Variants in ZSCAN5A observed in about 807,000 individuals in gnomAD.
ZSCAN5A encodes the protein zinc finger and SCAN domain containing 5A, also known as zinc finger and SCAN domain-containing protein 5A.
ZSCAN5A carries 12 observed loss-of-function variants against 23.7 expected under a neutral mutation model. The observed-to-expected ratio is 0.51, with a 90% CI of 0.32 to 0.82. The LOEUF (loss-of-function observed/expected upper bound fraction) is 0.82, where lower values mean the gene tolerates loss of function less well. Ranked by LOEUF, ZSCAN5A falls within the 40% of genes least tolerant of loss-of-function variation. ZSCAN5A has a pLI of 0.03. For synonymous variants in ZSCAN5A, 257 were observed against 239.9 expected (o/e 1.07, Z -0.66); for missense variants, 597 against 617.9 (o/e 0.97, Z 0.36).
Position 56,233,490 on chromosome 19 carries a change from A to G in ZSCAN5A, c.-127-8317T>C, listed in dbSNP as rs73934781. 9.8e-3 allele frequency among the ~76,000 whole-genome samples: 1,490 copies of G among 152,258 alleles called. 25 individuals are homozygous for G. The highest frequency in any genetic ancestry group is 0.034 in the African/African-American group (1,425 of 41,548). On this transcript the variant is annotated intron_variant, in intron 2 of 5. Transcript: ENST00000683990. Reference sequence around the variant, plus strand: ...AAATGGTTCCATTGTTTGATGAGCCATCCTGGCGGTGGGTGGATCATTCAC... The same window carrying G: ...AAATGGTTCCATTGTTTGATGAGCCGTCCTGGCGGTGGGTGGATCATTCAC...
At chr19:56,329,288 G>T (rs1003919891) in intron 2 of ZSCAN5A, among the ~76,000 whole-genome samples, 9 of 152,020 alleles carry the variant, frequency 5.9e-5, no homozygotes, top group African/African-American at 2.2e-4. Context: ...GGCAGAAGTT[G>T]CAGTGAGCCG....
chr19:56,320,615 A>AAAT lies in ZSCAN5A; in HGVS notation c.-357-4350_-357-4348dup, dbSNP rs767420878. 9.9e-4 allele frequency: 623 copies of AAAT among 630,846 alleles called. 1 individual carries two copies. Among genetic ancestry groups the AAAT allele is most frequent in the East Asian group, 7.7e-3 (247 of 32,196 alleles). 39.1% of individuals were successfully genotyped at this position (630,846 alleles called of 1,614,324 possible). On this transcript the variant is annotated intron_variant, in intron 2 of 6. Transcript: ENST00000587340. ...TGACAAGAGCGAAATTCTGTCTCAA[A>AAAT]AATAATAATAATAATAATAATAAGC...
At chr19:56,256,901 T>TG (rs1360259810) in intron 2 of ZSCAN5A, among the ~76,000 whole-genome samples, 5 of 150,382 alleles carry the variant, frequency 3.3e-5, no homozygotes, top group African/African-American at 1.2e-4. Flanking sequence ...CAGATAGTGG[T>TG]GAAAAAAAAA....
intron 2 of ZSCAN5A, among the ~76,000 whole-genome samples, chr19:56,358,157 A>G (rs535035863): frequency 1.3e-5 from 2 of 148,976 alleles, no homozygotes; most frequent in African/African-American, 5.0e-5. Flanking sequence ...ATCTCTCTCT[A>G]TCTCACAGGC....
intron 2 of ZSCAN5A, among the ~76,000 whole-genome samples, chr19:56,242,915 A>AT (rs2146635889): frequency 6.6e-6 from 1 of 152,144 alleles, no homozygotes; most frequent in South Asian, 2.1e-4. Context: ...AGTAGCTAGG[A>AT]TTACAGGCAC....
intron 2 of ZSCAN5A, chr19:56,266,338 A>G (rs7249172): frequency 0.13 from 19,524 of 152,154 alleles, 1,626 homozygotes; most frequent in Middle Eastern, 0.2. Context: ...CTGCCTTTGC[A>G]GATCCAACCT....
In ZSCAN5A at chr19:56,222,015, T is replaced by C. The variant is rs1306271519; in HGVS notation, c.1051A>G (p.Lys351Glu). 24 of 1,614,106 alleles carry C rather than the reference T, an allele frequency of 1.5e-5. No individual in the cohort carries two copies. Among genetic ancestry groups the C allele is most frequent in the South Asian group, 6.6e-5 (6 of 91,094 alleles). ...PVSHPDGQEA[K>E]ALPPFACDVC... ...TCACATGCAAAGGGCGGCAGTGCCT[T>C]GGCTTCTTGGCCATCCGGGTGACTG... Residue 351 changes from lysine to glutamate, a missense_variant, in exon 6 of 6, where the codon AAG becomes GAG. Physicochemically the swap from Lys to Glu is moderately conservative, Grantham distance 56. Coordinates refer to ENST00000683990, the MANE Select transcript of ZSCAN5A (RefSeq NM_001322064.3).
chr19:56,248,574 A>C (rs2146712332), intron 2 of ZSCAN5A, among the ~76,000 whole-genome samples: 1 of 152,160 alleles, frequency 6.6e-6, no homozygotes, highest in Middle Eastern at 3.4e-3. Flanking sequence ...ATTAGGCTTT[A>C]TTAGTATTAT....
chr19:56,294,667 T>C (rs1418717357), intron 2 of ZSCAN5A, among the ~76,000 whole-genome samples: 1 of 152,092 alleles, frequency 6.6e-6, no homozygotes, highest in Non-Finnish European at 1.5e-5. Flanking sequence ...ACAAAAGCAG[T>C]AGACAACACA....
intron 2 of ZSCAN5A, chr19:56,302,930 G>A (rs978858491): frequency 1.8e-5 from 7 of 398,428 alleles, no homozygotes; most frequent in Non-Finnish European, 2.7e-5. Context: ...CTGTAAGGGA[G>A]GCAGACATCC....
intron 2 of ZSCAN5A, among the ~76,000 whole-genome samples, chr19:56,298,857 A>T (rs935711015): frequency 2.6e-5 from 4 of 152,224 alleles, no homozygotes; most frequent in African/African-American, 9.6e-5. Flanking sequence ...GGACAGAATA[A>T]CCTTGATAAA....
chr19:56,352,704 G>T lies in ZSCAN5A; in HGVS notation c.-358+10531C>A, dbSNP rs1265758483. 6.6e-6 allele frequency among the ~76,000 whole-genome samples: 1 copy of T among 152,178 alleles called. No individual in the cohort carries two copies. Among genetic ancestry groups the T allele is most frequent in the Admixed American group, 6.5e-5 (1 of 15,280 alleles). On this transcript the variant is annotated intron_variant, in intron 2 of 6. Coordinates refer to the ZSCAN5A transcript ENST00000587340. The surrounding 1 kb of genome is among the most constrained non-coding windows in gnomAD (Gnocchi z 4.2). The stretch of plus-strand genomic sequence containing the variant: ...GGAGCAGAATCCTTGCTAAAGGCAG[G>T]CCAAAGATTTAGACATTAAGAGTGG...
chr19:56,236,900 A>G (rs1475711512), intron 2 of ZSCAN5A, among the ~76,000 whole-genome samples: 1 of 147,910 alleles, frequency 6.8e-6, no homozygotes, highest in Non-Finnish European at 1.5e-5. Context: ...CCAAGTCTCC[A>G]CTCCAGCCTC....
At chr19:56,274,984 T>A (rs2038141522) in intron 2 of ZSCAN5A, 1 of 152,234 alleles carries the variant, frequency 6.6e-6, no homozygotes, top group Non-Finnish European at 1.5e-5. Flanking sequence ...AGCTTTCTCA[T>A]GATTGGATTG....
At chr19:56,265,786 G>A (rs772409737) in intron 2 of ZSCAN5A, among the ~76,000 whole-genome samples, 5 of 152,062 alleles carry the variant, frequency 3.3e-5, no homozygotes, top group Admixed American at 6.6e-5. Flanking sequence ...TACTCAATTC[G>A]AGATTTAAAG....
chr19:56,323,745 A>G (rs1377376615), intron 2 of ZSCAN5A, among the ~76,000 whole-genome samples: 1 of 151,866 alleles, frequency 6.6e-6, no homozygotes, highest in Non-Finnish European at 1.5e-5. Context: ...CATGTTGGTC[A>G]GGCTGGTCTC....
intron 2 of ZSCAN5A, among the ~76,000 whole-genome samples, chr19:56,324,220 G>T (rs1600282564): frequency 6.6e-6 from 1 of 152,232 alleles, no homozygotes; most frequent in East Asian, 1.9e-4. Context: ...TGAGAAGATG[G>T]AATATTTGTC....
At chr19:56,234,581 A>G (rs565008900) in intron 2 of ZSCAN5A, among the ~76,000 whole-genome samples, 1 of 152,166 alleles carries the variant, frequency 6.6e-6, no homozygotes, top group South Asian at 2.1e-4. Flanking sequence ...GCCTGGCCTA[A>G]ACCCAGTAGT....
chr19:56,224,137 G>A (rs2033641295), intron 3 of ZSCAN5A, among the ~76,000 whole-genome samples: 1 of 151,860 alleles, frequency 6.6e-6, no homozygotes, highest in Non-Finnish European at 1.5e-5. Flanking sequence ...AACTCAATTG[G>A]CCGATGGCAG....
Sources: gnomAD v4.1 joint callset for allele counts (sites outside exome capture counted in the v4.1 genomes callset) on GRCh38, gnomAD v4.1.1 for gene constraint, Gnocchi (gnomAD v3.1) non-coding constraint, MANE v1.5 for transcripts, NCBI Gene and HGNC (gene_info 2026-07-23, HGNC 2026-07-21) for gene names.